Variants in SH3BP5 observed in about 807,000 individuals in gnomAD.
The protein encoded by SH3BP5 is SH3 domain binding protein 5.
In SH3BP5, 22 loss-of-function variants were observed where a neutral mutation model predicts 43.3. That is an observed-to-expected ratio of 0.51 (90% confidence interval 0.36 to 0.73). The LOEUF (loss-of-function observed/expected upper bound fraction) is 0.73. Ranked by LOEUF, SH3BP5 falls within the 30% of genes least tolerant of loss-of-function variation. The probability of loss-of-function intolerance (pLI) is 0.00; values close to 1 mark genes in which losing one functional copy is unlikely to be tolerated. For missense variants in SH3BP5, 529 were observed against 586.9 expected, an observed-to-expected ratio of 0.90 and a Z score of 1.02; for synonymous variants, 255 against 225.8, an observed-to-expected ratio of 1.13 and a Z score of -1.16.
Position 15,257,000 on chromosome 3 carries a change from G to A in SH3BP5, c.1003C>T (p.Pro335Ser), listed in dbSNP as rs768538214. Reference protein sequence around the residue: ...SSGPTSPSEMPDQFPAVVRPG... With the variant: ...SSGPTSPSEMSDQFPAVVRPG... ...CTCACAACCGCAGGGAACTGGTCAG[G>A]CATCTCAGACGGGCTTGTTGGTCCT... Residue 335 changes from proline (P) to serine (S), a missense_variant, in exon 8 of 9, where the codon CCT becomes TCT. Pro to Ser is a moderately conservative substitution (Grantham distance 74, BLOSUM62 -1). This residue lies in a region of SH3BP5 where 369 missense variants were observed against 384.3 expected (regional missense o/e 0.96). Coordinates refer to ENST00000383791, the MANE Select transcript of SH3BP5 (RefSeq NM_004844.5). The A allele has an allele frequency of 6.2e-7, 1 of 1,614,224 alleles. No individual in the cohort carries two copies. The highest frequency in any genetic ancestry group is 8.5e-7 in the Non-Finnish European group (1 of 1,180,042).
chr3:15,332,616 G>A (rs1698645928), upstream of SH3BP5: 3 of 1,184,014 alleles, frequency 2.5e-6, no homozygotes, highest in Non-Finnish European at 3.1e-6. Flanking sequence ...CCTTTCTGCC[G>A]CGGCAGTCAG....
chr3:15,284,049 G>A (rs576759547), intron 3 of SH3BP5, among the ~76,000 whole-genome samples: 6 of 152,178 alleles, frequency 3.9e-5, no homozygotes, highest in African/African-American at 9.7e-5. Context: ...CTGGAGAGAA[G>A]AAGCACCAAT....
At chr3:15,273,653 T>C (rs1696879843) in intron 3 of SH3BP5, among the ~76,000 whole-genome samples, 2 of 152,356 alleles carry the variant, frequency 1.3e-5, no homozygotes, top group Middle Eastern at 3.4e-3. Context: ...AAGTAAGCAC[T>C]GGGCACCTGT....
intron 4 of SH3BP5, among the ~76,000 whole-genome samples, chr3:15,263,503 A>G (rs1186370310): frequency 6.6e-6 from 1 of 152,266 alleles, no homozygotes; most frequent in African/African-American, 2.4e-5. Flanking sequence ...CAATTAAATT[A>G]AAACCCAGTC....
chr3:15,296,862 TAAAAA>T lies in SH3BP5; in HGVS notation c.330+7236_330+7240del, dbSNP rs869130338. The stretch of plus-strand genomic sequence containing the variant: ...GCAAGCACCACCATGTCTGGCTTCT[TAAAAA>T]AAAAAAAAAAAAAGAAATGGTGTCT... On this transcript the variant is annotated intron_variant, in intron 3 of 8. Transcript: ENST00000383791. Among the ~76,000 whole-genome samples, 14 of 123,160 alleles carry T rather than the reference TAAAAA, an allele frequency of 1.1e-4. No individual in the cohort carries two copies. The East Asian group carries it at 2.7e-3, about 24-fold the overall frequency. The allele number at this position is 123,160 out of a possible 152,430, so 80.8% of individuals were successfully genotyped here.
At chr3:15,279,170 C>T (rs568686662) in intron 3 of SH3BP5, among the ~76,000 whole-genome samples, 44 of 151,618 alleles carry the variant, frequency 2.9e-4, no homozygotes, top group South Asian at 1.5e-3. Context: ...AACTCTGTCT[C>T]GGGAAAAGAA....
chr3:15,301,435 G>C (rs1163090118), intron 3 of SH3BP5, among the ~76,000 whole-genome samples: 4 of 152,100 alleles, frequency 2.6e-5, no homozygotes, highest in South Asian at 4.1e-4. Context: ...ATCCAGCAAG[G>C]AGCCAAACGA....
In SH3BP5 at chr3:15,255,931, A is replaced by T; in HGVS notation, c.*155T>A. The T allele has an allele frequency of 1.4e-6, 1 of 701,370 alleles. No individual in the cohort carries two copies. Among genetic ancestry groups the T allele is most frequent in the Non-Finnish European group, 2.4e-6 (1 of 409,414 alleles). 43.4% of individuals were successfully genotyped at this position (701,370 alleles called of 1,614,324 possible). A position where few individuals can be genotyped will look rare whatever the true frequency, so the allele number is the denominator to read the frequency against. On this transcript the variant is annotated 3_prime_UTR_variant, in exon 9 of 9. Coordinates refer to ENST00000383791, the MANE Select transcript of SH3BP5 (RefSeq NM_004844.5). ...ACCAGCCCAAGAGCTCTTACCCAGA[A>T]GAACAATCTTTAGCCCTCAAGGTCA... is the stretch of plus-strand genomic sequence containing the variant.
intron 2 of SH3BP5, among the ~76,000 whole-genome samples, chr3:15,326,048 G>A (rs1411704901): frequency 6.6e-6 from 1 of 152,114 alleles, no homozygotes; most frequent in East Asian, 1.9e-4. Flanking sequence ...CTGATCAATG[G>A]ATCTGTGGGA....
intron 4 of SH3BP5, among the ~76,000 whole-genome samples, chr3:15,269,167 G>A (rs1308647763): frequency 6.6e-6 from 1 of 152,120 alleles, no homozygotes; most frequent in East Asian, 1.9e-4. Flanking sequence ...AGCAAGCCAA[G>A]CTGTGAGTAA....
chr3:15,317,757 AT>A (rs1167834770), intron 2 of SH3BP5, among the ~76,000 whole-genome samples: 1 of 152,232 alleles, frequency 6.6e-6, no homozygotes, highest in Non-Finnish European at 1.5e-5. Flanking sequence ...GTCAAACAAT[AT>A]CAGGGCTGGA....
At chr3:15,258,788 A>G in intron 7 of SH3BP5, 43 bp downstream of exon 7, 1 of 1,526,412 alleles carries the variant, frequency 6.6e-7, no homozygotes, top group Non-Finnish European at 9.1e-7. Flanking sequence ...CAAATCACAC[A>G]GTCTGATATC....
At chr3:15,289,746 G>A (rs1408305388) in intron 3 of SH3BP5, among the ~76,000 whole-genome samples, 1 of 152,152 alleles carries the variant, frequency 6.6e-6, no homozygotes, top group Non-Finnish European at 1.5e-5. Context: ...GGGCTAGGCA[G>A]AAGAGGAGCC....
chr3:15,333,170 T>G, upstream of SH3BP5: 1 of 985,458 alleles, frequency 1.0e-6, no homozygotes, highest in Non-Finnish European at 1.2e-6. Context: ...GGGCACACTC[T>G]GGCCAAGAAT....
chr3:15,282,871 G>A (rs1166630797), intron 3 of SH3BP5, among the ~76,000 whole-genome samples: 1 of 152,126 alleles, frequency 6.6e-6, no homozygotes, highest in Non-Finnish European at 1.5e-5. Flanking sequence ...GTTGACGCTG[G>A]TGATGGGCAC....
At chr3:15,298,520 G>T (rs1697642778) in intron 3 of SH3BP5, among the ~76,000 whole-genome samples, 1 of 152,194 alleles carries the variant, frequency 6.6e-6, no homozygotes, top group African/African-American at 2.4e-5. Flanking sequence ...TTTGCAAAGT[G>T]CTCTGCTCTC....
In SH3BP5 at chr3:15,332,413, G is replaced by T; in HGVS notation, c.-5C>A. 3 of 1,531,734 alleles carry T rather than the reference G, an allele frequency of 2.0e-6. No homozygotes were observed. The highest frequency in any genetic ancestry group is 1.2e-5 in the South Asian group (1 of 83,634). 94.9% of individuals were successfully genotyped at this position (1,531,734 alleles called of 1,614,324 possible). On this transcript the variant is annotated 5_prime_UTR_variant, in exon 1 of 9. Transcript: ENST00000383791. ...CCGCTTCAGTGCCGCGTCCATGCAG[G>T]CAGCCGGCACGCGCGCCGCGCAGTG...
chr3:15,328,421 A>T (rs1470272624), intron 2 of SH3BP5, among the ~76,000 whole-genome samples: 11 of 106,792 alleles, frequency 1.0e-4, no homozygotes, highest in African/African-American at 2.7e-4. Context: ...AATGCTTTTA[A>T]AAAAAAAAAA....
intron 1 of SH3BP5, among the ~76,000 whole-genome samples, chr3:15,339,583 G>A (rs1031488041): frequency 1.3e-5 from 2 of 152,050 alleles, no homozygotes; most frequent in Non-Finnish European, 2.9e-5. Flanking sequence ...TGTGGCATGC[G>A]ACTGTAGTCC....
Sources: allele counts gnomAD v4.1 joint callset (sites outside exome capture counted in the v4.1 genomes callset), GRCh38; gene constraint gnomAD v4.1.1; regional missense constraint gnomAD v4.1.1; transcripts MANE v1.5; gene names NCBI Gene and HGNC (gene_info 2026-07-23, HGNC 2026-07-21).